LRRTM4: variants seen among roughly 807,000 people sequenced by gnomAD.
LRRTM4 encodes leucine rich repeat transmembrane neuronal 4.
LRRTM4 carries 25 observed loss-of-function variants against 47.6 expected under a neutral mutation model. The ratio of observed to expected loss-of-function variants is 0.53; its 90% confidence interval spans 0.38 to 0.73. The LOEUF is 0.73. LRRTM4 is among the 30% of genes least tolerant of loss of function. The pLI, the probability that LRRTM4 is intolerant of heterozygous loss-of-function variation, is 0.00. For missense variants in LRRTM4, 638 were observed against 713.4 expected (o/e 0.89, Z 1.20); for synonymous variants, 311 against 269.5 (o/e 1.15, Z -1.51).
intron 3 of LRRTM4, among the ~76,000 whole-genome samples, chr2:76,921,720 ATCCCT>A (rs1674438904): frequency 6.6e-6 from 1 of 151,980 alleles, no homozygotes; most frequent in South Asian, 2.1e-4. Context: ...TGGCTCCTAT[ATCCCT>A]TTAATATTTC....
intron 3 of LRRTM4, among the ~76,000 whole-genome samples, chr2:77,148,530 G>A (rs1672334526): frequency 6.6e-6 from 1 of 152,008 alleles, no homozygotes; most frequent in East Asian, 1.9e-4. Context: ...TGTTGCATTT[G>A]AACATTATAA....
intron 3 of LRRTM4, among the ~76,000 whole-genome samples, chr2:77,462,489 C>T (rs1004007587): frequency 6.6e-6 from 1 of 151,944 alleles, no homozygotes; most frequent in African/African-American, 2.4e-5. Context: ...TGACACAGCC[C>T]CTAATCTCAC....
intron 3 of LRRTM4, among the ~76,000 whole-genome samples, chr2:77,264,176 G>A (rs1675991029): frequency 6.6e-6 from 1 of 152,036 alleles, no homozygotes; most frequent in Non-Finnish European, 1.5e-5. Context: ...ATTTCTCTCA[G>A]TTCTGGAGGC....
At chr2:77,049,917 A>T (rs1679372932) in intron 3 of LRRTM4, among the ~76,000 whole-genome samples, 1 of 152,006 alleles carries the variant, frequency 6.6e-6, no homozygotes, top group Admixed American at 6.6e-5. Flanking sequence ...TTGCTTCGTA[A>T]AATTCTGCTT....
At chr2:77,005,332 A>G (rs1677602147) in intron 3 of LRRTM4, among the ~76,000 whole-genome samples, 2 of 152,202 alleles carry the variant, frequency 1.3e-5, no homozygotes, top group East Asian at 3.9e-4. Context: ...TTTAGTAGAG[A>G]CAGGGTTTCA....
intron 3 of LRRTM4, among the ~76,000 whole-genome samples, chr2:77,047,369 A>T (rs1679269110): frequency 6.6e-6 from 1 of 152,002 alleles, no homozygotes; most frequent in Non-Finnish European, 1.5e-5. Context: ...CTGCAGACTG[A>T]GTGGCTTAAA....
At chr2:77,155,931 T>G (rs866042669) in intron 3 of LRRTM4, among the ~76,000 whole-genome samples, 1 of 152,134 alleles carries the variant, frequency 6.6e-6, no homozygotes, top group South Asian at 2.1e-4. Context: ...CCTGAGGTAA[T>G]AGATATATGA....
At chr2:76,894,595 T>C (rs1005320392) in intron 3 of LRRTM4, among the ~76,000 whole-genome samples, 1 of 152,038 alleles carries the variant, frequency 6.6e-6, no homozygotes, top group Non-Finnish European at 1.5e-5. Context: ...TGTTAATGTT[T>C]CTATTTCTAG....
chr2:77,122,173 CACAA>C (rs924114510), intron 3 of LRRTM4, among the ~76,000 whole-genome samples: 4 of 151,590 alleles, frequency 2.6e-5, no homozygotes, highest in Admixed American at 2.6e-4. Context: ...ATGGCAACCA[CACAA>C]ACATTTCCTG....
At chr2:76,815,842 G>A (rs529970080) in intron 3 of LRRTM4, among the ~76,000 whole-genome samples, 2 of 152,206 alleles carry the variant, frequency 1.3e-5, no homozygotes, top group East Asian at 3.9e-4. Context: ...AAATGAATTT[G>A]TATATTTTGA....
intron 3 of LRRTM4, among the ~76,000 whole-genome samples, chr2:77,348,077 C>T (rs1211501538): frequency 6.6e-6 from 1 of 150,848 alleles, no homozygotes; most frequent in Non-Finnish European, 1.5e-5. Flanking sequence ...TTTTTTATTT[C>T]CAAAGTTTCA....
At chr2:77,409,168 A>C (rs1292017223) in intron 3 of LRRTM4, among the ~76,000 whole-genome samples, 1 of 152,206 alleles carries the variant, frequency 6.6e-6, no homozygotes, top group Non-Finnish European at 1.5e-5. Flanking sequence ...AAATATAATA[A>C]TATGTGTAAG....
chr2:77,452,512 A>G (rs773909478), intron 3 of LRRTM4, among the ~76,000 whole-genome samples: 10 of 152,214 alleles, frequency 6.6e-5, no homozygotes, highest in Non-Finnish European at 1.5e-4. Flanking sequence ...AATAAAATAG[A>G]GCAAAATTAT....
intron 3 of LRRTM4, among the ~76,000 whole-genome samples, chr2:77,491,425 A>G (rs1678157487): frequency 6.6e-6 from 1 of 152,104 alleles, no homozygotes; most frequent in South Asian, 2.1e-4. Context: ...ATAGATTAAA[A>G]TGGCTCATCA....
intron 3 of LRRTM4, among the ~76,000 whole-genome samples, chr2:77,004,120 C>G (rs1165329863): frequency 6.6e-6 from 1 of 152,132 alleles, no homozygotes; most frequent in Non-Finnish European, 1.5e-5. Flanking sequence ...AAATTTGCAG[C>G]CTGAAATGCA....
At chr2:77,514,086 A>G (rs899213405) in intron 3 of LRRTM4, among the ~76,000 whole-genome samples, 3 of 152,014 alleles carry the variant, frequency 2.0e-5, no homozygotes, top group African/African-American at 4.8e-5. Flanking sequence ...ATATACAGAC[A>G]TACATACATG....
chr2:77,520,965 A>T (rs912363884), intron 2 of LRRTM4, among the ~76,000 whole-genome samples: 3 of 151,996 alleles, frequency 2.0e-5, no homozygotes, highest in African/African-American at 4.8e-5. Context: ...TTAAATTTTT[A>T]AATTTTTAAC....
chr2:76,845,408 G>C (rs1428059011), intron 3 of LRRTM4, among the ~76,000 whole-genome samples: 1 of 152,028 alleles, frequency 6.6e-6, no homozygotes, highest in East Asian at 1.9e-4. Flanking sequence ...ACAAGAATTG[G>C]ATGAATCCAG....
In LRRTM4 at chr2:77,396,372, G is replaced by T. The variant is rs145430288; in HGVS notation, c.1551+121946C>A. On this transcript the variant is annotated intron_variant, in intron 3 of 3. Coordinates refer to ENST00000409884, the MANE Select transcript of LRRTM4 (RefSeq NM_001134745.3). ...TTCCAGCTTGTATTCTAGCAATTTA[G>T]GCATGTTTTTTTATCTCTGCTAAGG... is the stretch of plus-strand genomic sequence containing the variant. Among the ~76,000 whole-genome samples, 237 of 151,908 alleles carry T rather than the reference G, an allele frequency of 1.6e-3. 3 individuals are homozygous for T. Among genetic ancestry groups the T allele is most frequent in the South Asian group, 0.011 (54 of 4,824 alleles).
Sources: gnomAD v4.1 joint callset for allele counts (sites outside exome capture counted in the v4.1 genomes callset) on GRCh38, gnomAD v4.1.1 for gene constraint, MANE v1.5 for transcripts, NCBI Gene and HGNC (gene_info 2026-07-23, HGNC 2026-07-21) for gene names.